Variants in RANBP2 observed in about 807,000 individuals in gnomAD.
The protein encoded by RANBP2 is RAN binding protein 2.
In RANBP2, 57 loss-of-function variants were observed where a neutral mutation model predicts 303.6. The ratio of observed to expected loss-of-function variants is 0.19; its 90% CI spans 0.15 to 0.23. The LOEUF is 0.23. Among genes scored for constraint, RANBP2 ranks in the 10% least tolerant of loss-of-function variants. The probability of loss-of-function intolerance (pLI) is 1.00; values close to 1 mark genes in which losing one functional copy is unlikely to be tolerated. For missense variants in RANBP2, 3,138 were observed against 3,780.8 expected (o/e 0.83, Z 4.46); for synonymous variants, 1,167 against 1,301.5 (o/e 0.90, Z 2.23).
chr2:109,523,191 G>T, the RANBP2 span, among the ~76,000 whole-genome samples: 3 of 152,124 alleles, frequency 2.0e-5, no homozygotes, highest in Admixed American at 1.3e-4. Flanking sequence ...ATCTCTGTAG[G>T]TTGCTCCTCC....
the RANBP2 span, among the ~76,000 whole-genome samples, chr2:109,529,171 C>T: frequency 3.3e-5 from 5 of 152,292 alleles, no homozygotes; most frequent in East Asian, 9.7e-4. Flanking sequence ...GTGGCGGGTC[C>T]TGGATGGGCT....
the RANBP2 span, chr2:108,815,927 T>G: frequency 1.3e-6 from 2 of 1,581,232 alleles, no homozygotes; most frequent in Non-Finnish European, 1.7e-6. Context: ...AATGATTTAA[T>G]TTTTGACATA....
At chr2:108,786,995 G>C, downstream of RANBP2, 2 of 993,208 alleles carry the variant, frequency 2.0e-6, no homozygotes, top group Non-Finnish European at 1.4e-6. Flanking sequence ...CAGCCGGCCT[G>C]GGGGCGCGCA....
chr2:108,775,047 C>G (rs1677778719), intron 23 of RANBP2, among the ~76,000 whole-genome samples: 1 of 152,114 alleles, frequency 6.6e-6, no homozygotes, highest in African/African-American at 2.4e-5. Context: ...TTCTTTATTT[C>G]TAGTATAAGT....
chr2:109,305,916 G>T, the RANBP2 span, among the ~76,000 whole-genome samples: 86 of 150,196 alleles, frequency 5.7e-4, no homozygotes, highest in African/African-American at 1.8e-3. Flanking sequence ...TGCCCTTTGG[G>T]CTGCTCCTCC....
the RANBP2 span, among the ~76,000 whole-genome samples, chr2:109,246,433 C>T: frequency 4.6e-5 from 7 of 152,134 alleles, no homozygotes; most frequent in Non-Finnish European, 5.9e-5. Flanking sequence ...CCTCACGATC[C>T]GGTCACCTCC....
chr2:108,869,622 C>T, the RANBP2 span, among the ~76,000 whole-genome samples: 2 of 152,048 alleles, frequency 1.3e-5, no homozygotes, highest in African/African-American at 4.8e-5. Context: ...AGATCTAAGG[C>T]CTTCAGAAGA....
At chr2:109,060,439 C>T in the RANBP2 span, among the ~76,000 whole-genome samples, 1 of 152,144 alleles carries the variant, frequency 6.6e-6, no homozygotes, top group East Asian at 1.9e-4. Context: ...ACACCCAGGT[C>T]CCCCCATTTT....
At chr2:108,783,562 T>C (rs772376019) in intron 28 of RANBP2, 34 bp from the exon 29 acceptor site, 1 of 1,524,264 alleles carries the variant, frequency 6.6e-7, no homozygotes. Flanking sequence ...TTGAAAAAAA[T>C]TTTTAACTTT....
At chr2:108,755,550 G>A (rs1216125198) in intron 17 of RANBP2, among the ~76,000 whole-genome samples, 2 of 151,912 alleles carry the variant, frequency 1.3e-5, no homozygotes, top group Non-Finnish European at 2.9e-5. Flanking sequence ...CACGCCACCA[G>A]GCCCAGCTAA....
At chr2:109,335,126 G>T in the RANBP2 span, among the ~76,000 whole-genome samples, 1 of 152,206 alleles carries the variant, frequency 6.6e-6, no homozygotes, top group African/African-American at 2.4e-5. Flanking sequence ...CGTGTTTTCG[G>T]AGCAGATTCG....
the RANBP2 span, among the ~76,000 whole-genome samples, chr2:109,414,412 C>T: frequency 6.6e-6 from 1 of 152,134 alleles, no homozygotes; most frequent in African/African-American, 2.4e-5. Context: ...CAGGTTTCAT[C>T]TGGTTTTTCA....
At chr2:109,142,733 G>T in the RANBP2 span, among the ~76,000 whole-genome samples, 2 of 152,290 alleles carry the variant, frequency 1.3e-5, no homozygotes, top group East Asian at 3.9e-4. Context: ...TCTGATCGTT[G>T]GTGTCCTCTG....
the RANBP2 span, among the ~76,000 whole-genome samples, chr2:108,819,749 CA>C: frequency 4.6e-5 from 7 of 152,044 alleles, no homozygotes; most frequent in African/African-American, 1.7e-4. Context: ...TCTGTTTTTT[CA>C]AATGCCCAAA....
the RANBP2 span, among the ~76,000 whole-genome samples, chr2:109,176,369 GAGAGAACACC>G: frequency 8.0e-4 from 122 of 152,160 alleles, 1 homozygote; most frequent in Middle Eastern, 3.4e-3. Context: ...GAGATACTCT[GAGAGAACACC>G]ATGTGCAATG....
the RANBP2 span, among the ~76,000 whole-genome samples, chr2:108,845,011 G>A: frequency 3.3e-5 from 5 of 151,914 alleles, no homozygotes; most frequent in Non-Finnish European, 1.5e-5. Context: ...TTCCCAAAGT[G>A]CTGGGATTAC....
Position 108,766,095 on chromosome 2 carries a change from T to C in RANBP2, c.5556T>C (p.Phe1852=), listed in dbSNP as rs780261196. The part of the protein sequence containing the change: ...KSNFSEKASK[F]GNTEQGFKFG... ...ATTTCTCAGAAAAAGCTTCTAAGTT[T>C]GGCAATACAGAGCAAGGATTCAAAT... The change falls in exon 20 of 29, where the codon TTT becomes TTC. Residue 1852 remains phenylalanine, a synonymous_variant. Coordinates refer to ENST00000283195, the MANE Select transcript of RANBP2 (RefSeq NM_006267.5). 3 of 1,614,142 alleles carry C rather than the reference T, an allele frequency of 1.9e-6. No homozygotes were observed. Among genetic ancestry groups the C allele is most frequent in the South Asian group, 2.2e-5 (2 of 91,086 alleles).
the RANBP2 span, among the ~76,000 whole-genome samples, chr2:108,846,470 A>G: frequency 6.6e-6 from 1 of 151,730 alleles, no homozygotes; most frequent in Non-Finnish European, 1.5e-5. Context: ...CTTGAGCCCA[A>G]GAGTTCGAGA....
the RANBP2 span, among the ~76,000 whole-genome samples, chr2:109,024,734 G>A: frequency 2.0e-5 from 3 of 152,210 alleles, no homozygotes; most frequent in Admixed American, 6.5e-5. Flanking sequence ...AGTCTTGGAC[G>A]TGTGCACCTG....
Sources: allele counts gnomAD v4.1 joint callset (sites outside exome capture counted in the v4.1 genomes callset), GRCh38; gene constraint gnomAD v4.1.1; transcripts MANE v1.5; gene names NCBI Gene and HGNC (gene_info 2026-07-23, HGNC 2026-07-21).